Variants in FNDC3A observed in about 807,000 individuals in gnomAD.
FNDC3A encodes fibronectin type III domain containing 3A.
FNDC3A carries 32 observed loss-of-function variants against 148.9 expected under a neutral mutation model. The observed-to-expected ratio is 0.21, with a 90% CI of 0.16 to 0.29. The LOEUF (loss-of-function observed/expected upper bound fraction) is 0.29, where lower values mean the gene tolerates loss of function less well. Among genes scored for constraint, FNDC3A ranks in the 10% least tolerant of loss-of-function variants. FNDC3A has a pLI of 1.00. For synonymous variants in FNDC3A, 472 were observed against 473.6 expected (o/e 1.00, Z 0.04); for missense variants, 1,191 against 1,452.8 (o/e 0.82, Z 2.93).
chr13:49,042,756 A>G (rs755019274), intron 2 of FNDC3A, among the ~76,000 whole-genome samples: 3 of 152,144 alleles, frequency 2.0e-5, no homozygotes, highest in Non-Finnish European at 4.4e-5. Context: ...CAGCCTAGGC[A>G]ACAGAGACCC....
intron 1 of FNDC3A, among the ~76,000 whole-genome samples, chr13:48,987,327 G>A (rs1434903983): frequency 6.6e-6 from 1 of 152,180 alleles, no homozygotes; most frequent in Non-Finnish European, 1.5e-5. Context: ...ATGGACTGGG[G>A]TTCGTTTCTT....
At chr13:49,104,526 A>G (rs1324650974) in intron 3 of FNDC3A, among the ~76,000 whole-genome samples, 2 of 152,150 alleles carry the variant, frequency 1.3e-5, no homozygotes, top group Non-Finnish European at 2.9e-5. Flanking sequence ...GAGTGAGACT[A>G]CGTCTCAAAA....
intron 1 of FNDC3A, among the ~76,000 whole-genome samples, chr13:49,004,512 A>G (rs969368699): frequency 7.9e-5 from 12 of 152,016 alleles, no homozygotes; most frequent in Non-Finnish European, 5.9e-5. Flanking sequence ...GAAATATAGC[A>G]TGTGGCTCTA....
chr13:48,981,872 A>G (rs1348274508), intron 1 of FNDC3A, among the ~76,000 whole-genome samples: 1 of 152,096 alleles, frequency 6.6e-6, no homozygotes, highest in Non-Finnish European at 1.5e-5. Context: ...TTTCCTCAGA[A>G]TCCATATTTT....
chr13:48,985,437 TATTGCATG>T (rs1369078991), intron 1 of FNDC3A, among the ~76,000 whole-genome samples: 1 of 152,116 alleles, frequency 6.6e-6, no homozygotes, highest in Non-Finnish European at 1.5e-5. Context: ...TAATAGAGAG[TATTGCATG>T]ATTATTCCAT....
intron 2 of FNDC3A, among the ~76,000 whole-genome samples, chr13:49,028,263 CTCTT>C (rs1454712863): frequency 1.3e-5 from 2 of 151,882 alleles, no homozygotes; most frequent in Non-Finnish European, 2.9e-5. Context: ...ATAAGAGACA[CTCTT>C]TATTTTTTAA....
intron 4 of FNDC3A, among the ~76,000 whole-genome samples, chr13:49,121,772 C>T (rs975633907): frequency 4.6e-5 from 7 of 152,088 alleles, no homozygotes; most frequent in Admixed American, 4.6e-4. Flanking sequence ...CTCCTGGACG[C>T]ATACACCCCC....
rs767192503 is a variant in FNDC3A at position 49,197,888 on chromosome 13, G to A, written c.2490+14G>A. ...TGCAGGGTCCAGGTAAAGATGATCA[G>A]TACCTTGTCACTTAACTCTATCCAG... On this transcript the variant is annotated intron_variant, in intron 21 of 25. Transcript: ENST00000492622. 2 of 1,594,066 alleles carry A rather than the reference G, an allele frequency of 1.3e-6. No homozygotes were observed. The highest frequency in any genetic ancestry group is 1.7e-6 in the Non-Finnish European group (2 of 1,174,134).
At chr13:49,171,974 T>A in intron 10 of FNDC3A, 69 bp from the exon 11 acceptor site, 1 of 1,045,658 alleles carries the variant, frequency 9.6e-7, no homozygotes, top group Non-Finnish European at 1.5e-6. Flanking sequence ...ATCCTTATAT[T>A]AGATCATCAC....
Position 49,207,222 on chromosome 13 carries a change from C to A in FNDC3A, c.3424C>A (p.Leu1142Ile). Residue 1142 changes from leucine to isoleucine, a missense_variant, in exon 26 of 26, where the codon CTC (leucine) becomes ATC (isoleucine). Leu to Ile is a conservative substitution (Grantham distance 5). Coordinates refer to ENST00000492622, the MANE Select transcript of FNDC3A (RefSeq NM_001079673.2). The part of the protein sequence containing the change: ...DLVGPYSTTV[L>I]FISQRTEPPA... Reference sequence around the variant, plus strand: ...CGTAGGTCCCTACAGCACCACAGTGCTCTTCATCTCTCAGAGGACTGAACC... The same window carrying A: ...CGTAGGTCCCTACAGCACCACAGTGATCTTCATCTCTCAGAGGACTGAACC... 3.7e-6 allele frequency: 6 copies of A among 1,614,190 alleles called. No homozygotes were observed. The highest frequency in any genetic ancestry group is 5.1e-6 in the Non-Finnish European group (6 of 1,180,012).
Position 49,200,618 on chromosome 13 carries a change from A to G in FNDC3A, c.2988-1182A>G, listed in dbSNP as rs901235419. Among the ~76,000 whole-genome samples, 4 of 152,110 alleles carry G rather than the reference A, an allele frequency of 2.6e-5. No individual in the cohort carries two copies. The South Asian group carries it at 8.3e-4, about 31-fold the overall frequency. On this transcript the variant is annotated intron_variant, in intron 23 of 25. Transcript: ENST00000492622. ...TAGTGTTTGGTTGAAAGATAATAGA[A>G]TAAAGATTCTATTAGATATAAATTC...
At chr13:49,165,105 T>C (rs1884381255) in intron 8 of FNDC3A, among the ~76,000 whole-genome samples, 1 of 152,242 alleles carries the variant, frequency 6.6e-6, no homozygotes. Flanking sequence ...CTGTTTTTTC[T>C]TATATTTGAG....
chr13:49,040,596 G>A (rs1874849371), intron 2 of FNDC3A, among the ~76,000 whole-genome samples: 1 of 152,250 alleles, frequency 6.6e-6, no homozygotes, highest in Non-Finnish European at 1.5e-5. Context: ...GGAGTTGGAA[G>A]ATCAGCAGTG....
chr13:49,072,012 T>G (rs1025203763), intron 2 of FNDC3A, among the ~76,000 whole-genome samples: 1 of 152,158 alleles, frequency 6.6e-6, no homozygotes, highest in Non-Finnish European at 1.5e-5. Context: ...TGCAAAAGCT[T>G]TTTAGCTTGA....
Position 49,055,159 on chromosome 13 carries a change from G to A in FNDC3A, c.100-20130G>A, listed in dbSNP as rs182447865. On this transcript the variant is annotated intron_variant, in intron 2 of 25. Coordinates refer to ENST00000492622, the MANE Select transcript of FNDC3A (RefSeq NM_001079673.2). ...CACTCTGTTGCCCAGGCTGGGGTGCGGTGTCACGTTCGTGGCTCACTTCAG... is the reference window on the plus strand; with the variant it reads ...CACTCTGTTGCCCAGGCTGGGGTGCAGTGTCACGTTCGTGGCTCACTTCAG... Among the ~76,000 whole-genome samples the A allele has an allele frequency of 5.3e-5, 8 of 151,276 alleles. No homozygotes were observed. In the East Asian group the frequency reaches 5.9e-4, roughly 11 times the overall value.
chr13:48,983,769 GAT>G (rs1315353272), intron 1 of FNDC3A, among the ~76,000 whole-genome samples: 2 of 152,116 alleles, frequency 1.3e-5, no homozygotes, highest in Admixed American at 6.5e-5. Flanking sequence ...CTCTGCGGTA[GAT>G]ACTATTATCA....
chr13:49,179,219 T>A (rs1053047519), intron 14 of FNDC3A, among the ~76,000 whole-genome samples: 2 of 140,712 alleles, frequency 1.4e-5, no homozygotes. Flanking sequence ...TTTTAAAATA[T>A]GAATGTTAGA....
intron 2 of FNDC3A, among the ~76,000 whole-genome samples, chr13:49,034,925 G>A (rs1162863345): frequency 6.6e-6 from 1 of 151,990 alleles, no homozygotes; most frequent in Non-Finnish European, 1.5e-5. Flanking sequence ...CTATGATACT[G>A]TAATTATCCC....
At chr13:48,998,312 G>A (rs995830985) in intron 1 of FNDC3A, among the ~76,000 whole-genome samples, 1 of 152,092 alleles carries the variant, frequency 6.6e-6, no homozygotes, top group African/African-American at 2.4e-5. Flanking sequence ...TTAAAAATCC[G>A]AAATATAAAA....
Sources: gnomAD v4.1 joint callset for allele counts (sites outside exome capture counted in the v4.1 genomes callset) on GRCh38, gnomAD v4.1.1 for gene constraint, MANE v1.5 for transcripts, NCBI Gene and HGNC (gene_info 2026-07-23, HGNC 2026-07-21) for gene names.